Variants in SMYD3 observed in about 807,000 individuals in gnomAD.
SMYD3 encodes SET and MYND domain containing 3.
Under a neutral mutation model 57.7 loss-of-function variants are expected in SMYD3, and 36 were observed. That is an observed-to-expected ratio of 0.62 (90% CI 0.48 to 0.82). SMYD3 has a LOEUF of 0.82. SMYD3 is among the 40% of genes least tolerant of loss of function. The pLI, the probability that SMYD3 is intolerant of heterozygous loss-of-function variation, is 0.00. For missense variants in SMYD3, 515 were observed against 538.8 expected (o/e 0.96, Z 0.44); for synonymous variants, 211 against 195.0 (o/e 1.08, Z -0.68).
chr1:245,998,893 C>T (rs1203476004), intron 5 of SMYD3, among the ~76,000 whole-genome samples: 3 of 152,080 alleles, frequency 2.0e-5, no homozygotes, highest in Non-Finnish European at 4.4e-5. Flanking sequence ...AGAAGCCAGA[C>T]ACAAAAGGAC....
chr1:246,240,234 T>G (rs892534323), intron 5 of SMYD3, among the ~76,000 whole-genome samples: 2 of 152,242 alleles, frequency 1.3e-5, no homozygotes, highest in African/African-American at 4.8e-5. Context: ...GTCTAACATT[T>G]AAGTCTTTAA....
chr1:246,479,385 G>A (rs953043009), intron 1 of SMYD3, among the ~76,000 whole-genome samples: 8 of 152,094 alleles, frequency 5.3e-5, no homozygotes, highest in African/African-American at 1.9e-4. Context: ...TAATTTACGA[G>A]GTTGTTCATT....
intron 5 of SMYD3, among the ~76,000 whole-genome samples, chr1:246,222,864 T>C (rs1379566857): frequency 1.3e-5 from 2 of 152,174 alleles, no homozygotes; most frequent in African/African-American, 2.4e-5. Context: ...CCTACAGTAA[T>C]AATCACGGTA....
chr1:246,023,845 T>TGTGTGTGTGTGTGTGTGTG (rs2059523082), intron 5 of SMYD3, among the ~76,000 whole-genome samples: 1 of 67,450 alleles, frequency 1.5e-5, no homozygotes, highest in African/African-American at 9.4e-5. Flanking sequence ...GTGTGTGTGT[T>TGTGTGTGTGTGTGTGTGTG]ACTGAAAAAT....
At chr1:246,031,478 C>T (rs896629732) in intron 5 of SMYD3, among the ~76,000 whole-genome samples, 1 of 152,122 alleles carries the variant, frequency 6.6e-6, no homozygotes, top group Non-Finnish European at 1.5e-5. Flanking sequence ...TGGCTCACGG[C>T]TATAATCCCA....
intron 10 of SMYD3, among the ~76,000 whole-genome samples, chr1:245,777,900 A>G (rs552755370): frequency 5.6e-4 from 86 of 152,300 alleles, no homozygotes; most frequent in African/African-American, 2.0e-3. Context: ...CAGTTATAAC[A>G]CATTATTTAA....
chr1:246,080,136 T>G (rs1224130895), intron 5 of SMYD3, among the ~76,000 whole-genome samples: 1 of 149,840 alleles, frequency 6.7e-6, no homozygotes, highest in Non-Finnish European at 1.5e-5. Context: ...CTTCATGAAC[T>G]CGTAAGTCAG....
In SMYD3 at chr1:246,329,283, G is replaced by T. The variant is rs1272523947; in HGVS notation, c.394+1197C>A. On this transcript the variant is annotated intron_variant, in intron 4 of 11. Coordinates refer to ENST00000490107, the MANE Select transcript of SMYD3 (RefSeq NM_001167740.2). ...ATTGCCACACTGACTTCCACAATGG[G>T]TGAACTAGTTTACAGTCCCACCAAC... Among the ~76,000 whole-genome samples, 6 of 152,212 alleles carry T rather than the reference G, an allele frequency of 3.9e-5. No homozygotes were observed. In the South Asian group the frequency reaches 6.2e-4, roughly 16 times the overall value.
chr1:246,248,105 G>A (rs1023720853), intron 5 of SMYD3, among the ~76,000 whole-genome samples: 1 of 152,188 alleles, frequency 6.6e-6, no homozygotes, highest in Non-Finnish European at 1.5e-5. Context: ...ACTGTATTTG[G>A]AGTAAAAGGT....
intron 2 of SMYD3, among the ~76,000 whole-genome samples, chr1:246,343,127 T>C (rs1297810741): frequency 1.3e-5 from 2 of 152,182 alleles, no homozygotes; most frequent in Admixed American, 1.3e-4. Flanking sequence ...ATTTACTATA[T>C]AGTTCTTTAC....
chr1:246,361,427 A>C (rs1367267155), intron 1 of SMYD3, among the ~76,000 whole-genome samples: 1 of 152,254 alleles, frequency 6.6e-6, no homozygotes, highest in Non-Finnish European at 1.5e-5. Flanking sequence ...CATTTGATTC[A>C]GCAGTCCCAC....
intron 10 of SMYD3, among the ~76,000 whole-genome samples, chr1:245,806,729 T>G (rs531411168): frequency 1.3e-5 from 2 of 150,206 alleles, no homozygotes; most frequent in African/African-American, 4.9e-5. Context: ...GCTAACAAGG[T>G]GAAACCCCGT....
At chr1:246,428,317 GT>G (rs2067249976) in intron 1 of SMYD3, among the ~76,000 whole-genome samples, 1 of 152,186 alleles carries the variant, frequency 6.6e-6, no homozygotes, top group African/African-American at 2.4e-5. Context: ...TAGTCTCAGA[GT>G]TAACTAACCA....
At chr1:245,835,782 C>T (rs1230568560) in intron 10 of SMYD3, among the ~76,000 whole-genome samples, 6 of 152,184 alleles carry the variant, frequency 3.9e-5, no homozygotes, top group East Asian at 3.9e-4. Flanking sequence ...CAGGTATCAG[C>T]GCCCTGATGC....
chr1:245,840,742 G>A (rs1412056318), intron 10 of SMYD3, among the ~76,000 whole-genome samples: 6 of 149,010 alleles, frequency 4.0e-5, no homozygotes. Flanking sequence ...ATTGAAAACA[G>A]ACATGGTTAA....
chr1:246,086,850 C>T (rs141852169), intron 5 of SMYD3, among the ~76,000 whole-genome samples: 46 of 152,190 alleles, frequency 3.0e-4, no homozygotes, highest in African/African-American at 9.9e-4. Context: ...GCCCAACACA[C>T]ATTAGCAATT....
chr1:245,903,163 C>T (rs1455905457), intron 8 of SMYD3, among the ~76,000 whole-genome samples: 1 of 151,974 alleles, frequency 6.6e-6, no homozygotes, highest in Non-Finnish European at 1.5e-5. Flanking sequence ...AAGAGAAATC[C>T]TAAGACTGAA....
At chr1:245,895,963 C>G (rs1399915625) in intron 8 of SMYD3, among the ~76,000 whole-genome samples, 1 of 152,198 alleles carries the variant, frequency 6.6e-6, no homozygotes, top group Non-Finnish European at 1.5e-5. Context: ...ACAGAAGAAA[C>G]TAAGAGGAAG....
intron 2 of SMYD3, among the ~76,000 whole-genome samples, chr1:246,348,425 AAT>A (rs1294436553): frequency 1.3e-5 from 2 of 151,260 alleles, no homozygotes; most frequent in Non-Finnish European, 1.5e-5. Flanking sequence ...CGGAAAAAAA[AAT>A]ATATATATAT....
Sources: allele counts gnomAD v4.1 joint callset (sites outside exome capture counted in the v4.1 genomes callset), GRCh38; gene constraint gnomAD v4.1.1; transcripts MANE v1.5; gene names NCBI Gene and HGNC (gene_info 2026-07-23, HGNC 2026-07-21).